The following FAM193A variants were observed in gnomAD, a reference collection of about 807,000 sequenced individuals.
FAM193A encodes family with sequence similarity 193 member A, also known as protein FAM193A.
A neutral mutation model predicts 126.5 loss-of-function variants in FAM193A; 22 were observed. The observed-to-expected ratio is 0.17, with a 90% CI of 0.12 to 0.25. The LOEUF (loss-of-function observed/expected upper bound fraction) is 0.25. Among genes scored for constraint, FAM193A ranks in the 10% least tolerant of loss-of-function variants. The pLI is 1.00. For missense variants in FAM193A, 1,675 were observed against 1,672.8 expected (o/e 1.00, Z -0.02); for synonymous variants, 761 against 646.8 (o/e 1.18, Z -2.68).
chr4:2,586,978 A>G (rs963498385), intron 1 of FAM193A, among the ~76,000 whole-genome samples: 4 of 152,156 alleles, frequency 2.6e-5, no homozygotes, highest in African/African-American at 9.7e-5. Context: ...ATAAGCCTTA[A>G]TAGGCGTTCT....
rs1288876911 is a variant in FAM193A at position 2,576,052 on chromosome 4, T to A, written c.256-20032T>A. Among the ~76,000 whole-genome samples, 4 of 152,158 alleles carry A rather than the reference T, an allele frequency of 2.6e-5. No individual in the cohort carries two copies. In the East Asian group the frequency reaches 7.7e-4, roughly 29 times the overall value. On this transcript the variant is annotated intron_variant, in intron 1 of 20. Coordinates refer to ENST00000637812, the MANE Select transcript of FAM193A (RefSeq NM_001366318.2). The stretch of plus-strand genomic sequence containing the variant: ...AGTTCTTTTGGCACTACTGAATGAT[T>A]TAAGCAGTAATACCGGGTAGCTGTG...
intron 2 of FAM193A, chr4:2,608,291 G>T: frequency 1.6e-6 from 1 of 616,338 alleles, no homozygotes; most frequent in South Asian, 2.1e-5. Context: ...CAACCCTTCT[G>T]CCTCAGTCTC....
At chr4:2,674,476 T>G (rs1316133869) in intron 13 of FAM193A, among the ~76,000 whole-genome samples, 2 of 152,188 alleles carry the variant, frequency 1.3e-5, no homozygotes, top group African/African-American at 2.4e-5. Context: ...GGCAAGAAGT[T>G]CTGAATGTAG....
chr4:2,633,695 C>T (rs1248902119), intron 5 of FAM193A, among the ~76,000 whole-genome samples: 2 of 151,790 alleles, frequency 1.3e-5, no homozygotes, highest in Non-Finnish European at 2.9e-5. Context: ...AGTTAGAGAC[C>T]AGCCTGGCCA....
rs367988759 is a variant in FAM193A, at chr4:2,682,723, A to C, written c.2332-6783A>C. ...AGTTTACAATATACATTTTGAACTA[A>C]TCTGAGTCCTTTTTCAACTAACTAA... On this transcript the variant is annotated intron_variant, in intron 13 of 20. Transcript: ENST00000637812. Among the ~76,000 whole-genome samples, 3 of 152,288 alleles carry C rather than the reference A, an allele frequency of 2.0e-5. No homozygotes were observed. The East Asian group carries it at 5.8e-4, about 29-fold the overall frequency.
At chr4:2,537,771 C>A (rs1458137559) in intron 1 of FAM193A, among the ~76,000 whole-genome samples, 1 of 152,226 alleles carries the variant, frequency 6.6e-6, no homozygotes, top group Non-Finnish European at 1.5e-5. Context: ...CTGACAGCCA[C>A]CTGGAGCTGG....
intron 13 of FAM193A, among the ~76,000 whole-genome samples, chr4:2,687,216 G>A (rs1283406020): frequency 6.6e-6 from 1 of 152,130 alleles, no homozygotes; most frequent in Non-Finnish European, 1.5e-5. Flanking sequence ...TTGGTCGGTT[G>A]GTCAGGTGTT....
chr4:2,552,351 A>G lies in FAM193A; in HGVS notation c.255+15181A>G, dbSNP rs538767868. On this transcript the variant is annotated intron_variant, in intron 1 of 20. Transcript: ENST00000637812. Reference sequence around the variant, plus strand: ...TTTTTTGTAGAGACGGGGTTTTGCCATGTTGCTCACGCTGGTGTTTAACTC... The same window carrying G: ...TTTTTTGTAGAGACGGGGTTTTGCCGTGTTGCTCACGCTGGTGTTTAACTC... 9.3e-5 allele frequency among the ~76,000 whole-genome samples: 14 copies of G among 149,972 alleles called. No homozygotes were observed. The South Asian group carries it at 2.6e-3, about 27-fold the overall frequency.
At chr4:2,616,593 T>A (rs1433834955) in intron 2 of FAM193A, among the ~76,000 whole-genome samples, 1 of 151,888 alleles carries the variant, frequency 6.6e-6, no homozygotes, top group Non-Finnish European at 1.5e-5. Flanking sequence ...GGTCTCACTC[T>A]GTTGCCCAGG....
chr4:2,679,184 C>G (rs1307473124), intron 13 of FAM193A, among the ~76,000 whole-genome samples: 2 of 151,906 alleles, frequency 1.3e-5, no homozygotes, highest in African/African-American at 4.8e-5. Context: ...TTGGCTTTTT[C>G]CAGTCTGTTA....
intron 7 of FAM193A, among the ~76,000 whole-genome samples, chr4:2,648,590 C>T (rs1341849726): frequency 2.0e-5 from 3 of 152,232 alleles, no homozygotes; most frequent in Non-Finnish European, 4.4e-5. Context: ...GTGGGGAGGG[C>T]AGAGTCTCCT....
chr4:2,718,140 A>T (rs1051402435), intron 20 of FAM193A, among the ~76,000 whole-genome samples: 2 of 152,212 alleles, frequency 1.3e-5, no homozygotes, highest in African/African-American at 4.8e-5. Context: ...TAGGAAAAGA[A>T]CAATAGAATA....
chr4:2,560,383 T>C (rs1230366282), intron 1 of FAM193A, among the ~76,000 whole-genome samples: 1 of 152,206 alleles, frequency 6.6e-6, no homozygotes, highest in East Asian at 1.9e-4. Flanking sequence ...TGAGTTCCTG[T>C]GGTGCCTGTC....
intron 1 of FAM193A, among the ~76,000 whole-genome samples, chr4:2,563,043 C>G (rs1207071725): frequency 6.6e-6 from 1 of 152,040 alleles, no homozygotes; most frequent in Admixed American, 6.6e-5. Flanking sequence ...CTCCCAGATT[C>G]AAGCGATTAT....
chr4:2,637,389 C>T (rs902698239), intron 5 of FAM193A, among the ~76,000 whole-genome samples: 5 of 152,152 alleles, frequency 3.3e-5, no homozygotes, highest in Non-Finnish European at 7.4e-5. Context: ...ATAAAATTGT[C>T]ACTAGGCTTA....
At chr4:2,582,889 T>A (rs1444147880) in intron 1 of FAM193A, among the ~76,000 whole-genome samples, 1 of 152,206 alleles carries the variant, frequency 6.6e-6, no homozygotes, top group Non-Finnish European at 1.5e-5. Flanking sequence ...TGCTGTTGGC[T>A]GTTGTTTGAA....
In FAM193A at chr4:2,696,506, G is replaced by A; in HGVS notation, c.3420G>A (p.Glu1140=). 1.9e-6 allele frequency: 3 copies of A among 1,614,236 alleles called. No individual in the cohort carries two copies. The highest frequency in any genetic ancestry group is 1.1e-5 in the South Asian group (1 of 91,078). ...GCGTCGTTGACCATCGGAGGGTGGA[G>A]GATTTGTTGCAGTTTATAAATAGCT... The part of the protein sequence containing the change: ...RESVVDHRRV[E]DLLQFINSSE... The change falls in exon 18 of 21, where the codon GAG becomes GAA. Residue 1140 remains glutamate, a synonymous_variant. Coordinates refer to ENST00000637812, the MANE Select transcript of FAM193A (RefSeq NM_001366318.2).
intron 1 of FAM193A, among the ~76,000 whole-genome samples, chr4:2,590,463 CA>C (rs774897240): frequency 0.28 from 3,733 of 13,532 alleles, 468 homozygotes; most frequent in Middle Eastern, 0.41. Flanking sequence ...GACTCCATCT[CA>C]AAAAAAAAAA....
intron 2 of FAM193A, among the ~76,000 whole-genome samples, chr4:2,597,262 TACTC>T (rs898355773): frequency 3.3e-5 from 5 of 152,238 alleles, no homozygotes; most frequent in Non-Finnish European, 7.3e-5. Context: ...GTATTTTACT[TACTC>T]ATTTGGTTTG....
Sources: allele counts gnomAD v4.1 joint callset (sites outside exome capture counted in the v4.1 genomes callset), GRCh38; gene constraint gnomAD v4.1.1; transcripts MANE v1.5; gene names NCBI Gene and HGNC (gene_info 2026-07-23, HGNC 2026-07-21).